MEGF11: variants seen among roughly 807,000 people sequenced by gnomAD.
MEGF11 encodes multiple epidermal growth factor-like domains protein 11.
Under a neutral mutation model 146.6 loss-of-function variants are expected in MEGF11, and 126 were observed. That is an observed-to-expected ratio of 0.86 (90% CI 0.74 to 1.00). MEGF11 has a LOEUF of 1.00. Ranked by LOEUF, MEGF11 falls within the 50% of genes least tolerant of loss-of-function variation. MEGF11 has a pLI of 0.00. For synonymous variants in MEGF11, 532 were observed against 583.4 expected (o/e 0.91, Z 1.27); for missense variants, 1,509 against 1,521.2 (o/e 0.99, Z 0.13).
intron 5 of MEGF11, among the ~76,000 whole-genome samples, chr15:65,990,926 T>C (rs2082026607): frequency 6.6e-6 from 1 of 152,190 alleles, no homozygotes; most frequent in Non-Finnish European, 1.5e-5. Flanking sequence ...AGCTGAGCTA[T>C]CACTCAGTTT....
intron 25 of MEGF11, 80 bp from the exon 26 acceptor site, chr15:65,898,174 A>T (rs2078398162): frequency 6.7e-7 from 1 of 1,498,680 alleles, no homozygotes; most frequent in Non-Finnish European, 8.9e-7. Context: ...AGTTCTACTT[A>T]ACTTGGGGAA....
At chr15:66,047,812 T>C (rs2084274849) in intron 5 of MEGF11, among the ~76,000 whole-genome samples, 1 of 152,126 alleles carries the variant, frequency 6.6e-6, no homozygotes, top group South Asian at 2.1e-4. Context: ...CCCCCAGGAC[T>C]GGGGCTGAGA....
chr15:66,116,329 C>A (rs2087728061), intron 4 of MEGF11, among the ~76,000 whole-genome samples: 1 of 152,068 alleles, frequency 6.6e-6, no homozygotes. Flanking sequence ...AGGGCAGGGG[C>A]TATTTGTATT....
In MEGF11 at chr15:66,228,977, G is replaced by C. The variant is rs114158696; in HGVS notation, c.-9+24628C>G. ...CCAAGTCCCTGCAGACCTGGCGGTG[G>C]TAACTGCTCCCCACTGGTGCTAGCG... On this transcript the variant is annotated intron_variant, in intron 1 of 25. Transcript: ENST00000395614. Among the ~76,000 whole-genome samples the C allele has an allele frequency of 6.5e-3, 993 of 152,218 alleles. 17 individuals carry two copies. The highest frequency in any genetic ancestry group is 0.022 in the African/African-American group (932 of 41,530).
Position 65,915,458 on chromosome 15 carries a change from CGT to C in MEGF11, c.2473+10_2473+11del, listed in dbSNP as rs745526551. ...TTCCACAGACCCCGGGGCTCTGCCA[CGT>C]GTGTATTACCTTGGTCACACCTGAT... On this transcript the variant is annotated intron_variant, in intron 19 of 25. Transcript: ENST00000395614. 10 of 1,613,196 alleles carry C rather than the reference CGT, an allele frequency of 6.2e-6. No homozygotes were observed. The highest frequency in any genetic ancestry group is 5.0e-5 in the Admixed American group (3 of 59,992).
At chr15:66,089,891 G>A (rs187217800) in intron 5 of MEGF11, among the ~76,000 whole-genome samples, 260 of 152,184 alleles carry the variant, frequency 1.7e-3, no homozygotes, top group South Asian at 6.8e-3. Flanking sequence ...TCACTCTGTC[G>A]TCTTTATTCA....
Position 65,939,534 on chromosome 15 carries a change from G to A in MEGF11, c.1288-8591C>T, listed in dbSNP as rs532632304. 3.2e-4 allele frequency among the ~76,000 whole-genome samples: 45 copies of A among 139,598 alleles called. 1 individual carries two copies. Among genetic ancestry groups the A allele is most frequent in the Middle Eastern group, 4.0e-3 (1 of 252 alleles). 91.6% of individuals were successfully genotyped at this position (139,598 alleles called of 152,430 possible). ...TTTGGAGACAGAGTCTCGCTCTGTC[G>A]CCCAGGCTGGAGTGCAATGTTGCAA... is the stretch of plus-strand genomic sequence containing the variant. On this transcript the variant is annotated intron_variant, in intron 10 of 25. Coordinates refer to ENST00000395614, the MANE Select transcript of MEGF11 (RefSeq NM_001385028.1).
chr15:66,228,197 G>T (rs569353933), intron 1 of MEGF11, among the ~76,000 whole-genome samples: 1 of 152,186 alleles, frequency 6.6e-6, no homozygotes, highest in Non-Finnish European at 1.5e-5. Context: ...CGAGACCAGG[G>T]GAGCTTAGCA....
intron 5 of MEGF11, among the ~76,000 whole-genome samples, chr15:66,038,097 G>A (rs1284540444): frequency 6.6e-6 from 1 of 152,184 alleles, no homozygotes; most frequent in African/African-American, 2.4e-5. Flanking sequence ...CAGAAAAGGA[G>A]ACAAGCCCAG....
chr15:66,233,215 C>T lies in MEGF11; in HGVS notation c.-9+20390G>A, dbSNP rs528723648. Among the ~76,000 whole-genome samples the T allele has an allele frequency of 9.8e-5, 15 of 152,294 alleles. No individual in the cohort carries two copies. The South Asian group carries it at 2.7e-3, about 27-fold the overall frequency. ...TACATGTCACATTTCATTCTCACAA[C>T]GCTACAAGAAAATCCTATTATTATT... On this transcript the variant is annotated intron_variant, in intron 1 of 25. Coordinates refer to ENST00000395614, the MANE Select transcript of MEGF11 (RefSeq NM_001385028.1).
chr15:66,232,972 C>T (rs768995482), intron 1 of MEGF11, among the ~76,000 whole-genome samples: 3 of 152,118 alleles, frequency 2.0e-5, no homozygotes, highest in Admixed American at 1.3e-4. Flanking sequence ...AGGTTACGAA[C>T]GAGGATGCCA....
At chr15:66,204,052 G>A (rs2091235824) in intron 1 of MEGF11, among the ~76,000 whole-genome samples, 1 of 151,568 alleles carries the variant, frequency 6.6e-6, no homozygotes, top group Non-Finnish European at 1.5e-5. Flanking sequence ...AGACTAGCCT[G>A]GGCAAGACAG....
chr15:66,230,337 C>G (rs117769345), intron 1 of MEGF11, among the ~76,000 whole-genome samples: 2,063 of 152,304 alleles, frequency 0.014, 23 homozygotes, highest in Non-Finnish European at 0.019. Flanking sequence ...TTACCTCCCC[C>G]ACTAGATTGT....
chr15:66,229,759 C>T (rs984461666), intron 1 of MEGF11, among the ~76,000 whole-genome samples: 1 of 152,050 alleles, frequency 6.6e-6, no homozygotes, highest in Non-Finnish European at 1.5e-5. Context: ...AGCTGGGTAG[C>T]GGGGAGCAGC....
Position 66,119,157 on chromosome 15 carries a change from C to T in MEGF11, c.230G>A (p.Gly77Asp). The T allele has an allele frequency of 6.4e-7, 1 of 1,551,578 alleles. No individual in the cohort carries two copies. Among genetic ancestry groups the T allele is most frequent in the Non-Finnish European group, 8.7e-7 (1 of 1,147,024 alleles). The change falls in exon 4 of 26, where the codon GGC becomes GAC. Residue 77 changes from glycine (G) to aspartate (D), a missense_variant. Physicochemically the swap from Gly to Asp is moderately conservative, Grantham distance 94. Coordinates refer to ENST00000395614, the MANE Select transcript of MEGF11 (RefSeq NM_001385028.1). ...RISYKTAYRR[G>D]LRTMYRRRSQ... ...CCTCCGCCGGTACATGGTCCGGAGG[C>T]CTCTCCGATACGCCGTCTTATAACT...
chr15:65,906,000 C>T, intron 24 of MEGF11, 85 bp downstream of exon 24: 2 of 1,171,424 alleles, frequency 1.7e-6, no homozygotes, highest in Non-Finnish European at 1.2e-6. Context: ...CAGTTTGTCT[C>T]AAGTGGAATT....
intron 5 of MEGF11, among the ~76,000 whole-genome samples, chr15:66,034,497 G>A (rs1226420308): frequency 2.0e-5 from 3 of 151,746 alleles, no homozygotes; most frequent in Admixed American, 6.6e-5. Flanking sequence ...TTGGCTCAGT[G>A]CAAACTCCAT....
chr15:66,039,645 A>G (rs1016632070), intron 5 of MEGF11, among the ~76,000 whole-genome samples: 4 of 151,700 alleles, frequency 2.6e-5, no homozygotes, highest in Non-Finnish European at 5.9e-5. Flanking sequence ...CACCCCTCCC[A>G]CCCCTGCTTT....
rs1219944000 is a variant in MEGF11, at chr15:65,912,029, A to T, written c.2829+53T>A. On this transcript the variant is annotated intron_variant, in intron 21 of 25. Transcript: ENST00000395614. Reference sequence around the variant, plus strand: ...TGCAGTTCCTTCCTGGGCAGAGGTGAGGGTTAAATGAGAGGGCAGTGAGTG... The same window carrying T: ...TGCAGTTCCTTCCTGGGCAGAGGTGTGGGTTAAATGAGAGGGCAGTGAGTG... The T allele has an allele frequency of 1.3e-5, 13 of 1,033,152 alleles. No individual in the cohort carries two copies. The East Asian group carries it at 4.2e-4, about 34-fold the overall frequency. The allele number at this position is 1,033,152 out of a possible 1,614,324, so 64.0% of individuals were successfully genotyped here.
Sources: allele counts gnomAD v4.1 joint callset (sites outside exome capture counted in the v4.1 genomes callset), GRCh38; gene constraint gnomAD v4.1.1; transcripts MANE v1.5; gene names NCBI Gene and HGNC (gene_info 2026-07-23, HGNC 2026-07-21).